The following MYO6 variants were observed in gnomAD, a reference collection of about 807,000 sequenced individuals.
MYO6 encodes myosin VI, also known as unconventional myosin-VI.
Under a neutral mutation model 178.7 loss-of-function variants are expected in MYO6, and 74 were observed. The observed-to-expected ratio is 0.41, with a 90% CI of 0.34 to 0.50. The LOEUF is 0.50. Ranked by LOEUF, MYO6 falls within the 20% of genes least tolerant of loss-of-function variation. The pLI, the probability that MYO6 is intolerant of heterozygous loss-of-function variation, is 0.09. For synonymous variants in MYO6, 477 were observed against 504.6 expected (o/e 0.95, Z 0.73); for missense variants, 1,330 against 1,547.4 (o/e 0.86, Z 2.36).
intron 18 of MYO6, among the ~76,000 whole-genome samples, chr6:75,869,066 C>T (rs1036540186): frequency 7.8e-4 from 93 of 118,542 alleles, no homozygotes; most frequent in African/African-American, 2.7e-3. Context: ...TTGACTTTAT[C>T]TCCATTTTTT....
rs185204042 is a variant in MYO6, at chr6:75,838,108, A to T, written c.553+2152A>T. On this transcript the variant is annotated intron_variant, in intron 7 of 34. Coordinates refer to ENST00000369977, the MANE Select transcript of MYO6 (RefSeq NM_004999.4). ...CACTCTGTCGCCGAGTCTGGAGTGC[A>T]GTGGTGTGATCTTGGCTCACTGTAA... Among the ~76,000 whole-genome samples the T allele has an allele frequency of 8.7e-5, 13 of 148,920 alleles. 1 individual carries two copies. Among genetic ancestry groups the T allele is most frequent in the African/African-American group, 3.2e-4 (13 of 40,184 alleles).
rs148701053 is a variant in MYO6 at position 75,839,596 on chromosome 6, A to T, written c.554-989A>T. 5.4e-3 allele frequency among the ~76,000 whole-genome samples: 821 copies of T among 152,302 alleles called. 7 individuals carry two copies. Among genetic ancestry groups the T allele is most frequent in the African/African-American group, 0.016 (658 of 41,574 alleles). The stretch of plus-strand genomic sequence containing the variant: ...TGGAGAATATGTGTGTAAGATTAAC[A>T]CTAATTTGGTATGTTTGTAATTGAG... On this transcript the variant is annotated intron_variant, in intron 7 of 34. Coordinates refer to ENST00000369977, the MANE Select transcript of MYO6 (RefSeq NM_004999.4).
chr6:75,879,926 A>T lies in MYO6; in HGVS notation c.2184A>T (p.Arg728Ser). ...AGTATATGCCAGATAAACTTGCAAG[A>T]TTGGATCCAAGACTATTTTGTAAGG... ...YKKYMPDKLA[R>S]LDPRLFCKAL... The change falls in exon 21 of 35, where the codon AGA (arginine) becomes AGT (serine). Residue 728 changes from arginine (R) to serine (S), a missense_variant. By Grantham distance (110) the Arg-to-Ser change is moderately radical. Transcript: ENST00000369977. The T allele has an allele frequency of 6.2e-7, 1 of 1,614,132 alleles. No individual in the cohort carries two copies. The highest frequency in any genetic ancestry group is 8.5e-7 in the Non-Finnish European group (1 of 1,180,010).
intron 20 of MYO6, among the ~76,000 whole-genome samples, chr6:75,877,426 C>A (rs1362779236): frequency 6.6e-6 from 1 of 151,934 alleles, no homozygotes; most frequent in Non-Finnish European, 1.5e-5. Context: ...ACCACCACAC[C>A]CGGCTAATTC....
intron 1 of MYO6, among the ~76,000 whole-genome samples, chr6:75,796,039 T>G (rs556468666): frequency 6.6e-6 from 1 of 152,370 alleles, no homozygotes; most frequent in South Asian, 2.1e-4. Context: ...CTTTTAATTT[T>G]ATTTGAAATA....
intron 1 of MYO6, among the ~76,000 whole-genome samples, chr6:75,758,335 A>G (rs527794882): frequency 6.6e-6 from 1 of 152,230 alleles, no homozygotes; most frequent in South Asian, 2.1e-4. Flanking sequence ...GAAGTGAAAT[A>G]TGTTACCAGA....
At chr6:75,834,065 T>G (rs890446261) in intron 6 of MYO6, among the ~76,000 whole-genome samples, 1 of 152,202 alleles carries the variant, frequency 6.6e-6, no homozygotes, top group African/African-American at 2.4e-5. Context: ...CTGTCTATAT[T>G]TCTGTTGTTA....
At chr6:75,797,994 C>G (rs1362340905) in intron 1 of MYO6, among the ~76,000 whole-genome samples, 2 of 152,164 alleles carry the variant, frequency 1.3e-5, no homozygotes, top group South Asian at 4.1e-4. Flanking sequence ...AATTAGGTCC[C>G]ACTTGTCAGT....
At chr6:75,908,960 C>T (rs990751213) in intron 32 of MYO6, among the ~76,000 whole-genome samples, 1 of 152,166 alleles carries the variant, frequency 6.6e-6, no homozygotes, top group African/African-American at 2.4e-5. Context: ...GATTGCCATG[C>T]ATCTTTTACC....
At chr6:75,859,066 A>C (rs530807583) in intron 14 of MYO6, 73 bp downstream of exon 14, 1 of 1,011,132 alleles carries the variant, frequency 9.9e-7, no homozygotes, top group African/African-American at 1.6e-5. Flanking sequence ...GATATGCTGC[A>C]GTTACCCTGA....
chr6:75,851,787 G>A (rs1220725175), intron 11 of MYO6, among the ~76,000 whole-genome samples: 1 of 152,176 alleles, frequency 6.6e-6, no homozygotes, highest in East Asian at 1.9e-4. Flanking sequence ...GCTGCAGTGA[G>A]CCATGATCGC....
Position 75,890,169 on chromosome 6 carries a change from A to G in MYO6, c.2771A>G (p.Glu924Gly), listed in dbSNP as rs1343479335. 3.1e-6 allele frequency: 5 copies of G among 1,613,518 alleles called. No homozygotes were observed. In the South Asian group the frequency reaches 5.5e-5, roughly 18 times the overall value. Residue 924 changes from glutamate (E) to glycine (G), a missense_variant, in exon 26 of 35, where the codon GAA becomes GGA. Physicochemically the swap from Glu to Gly is moderately conservative, Grantham distance 98. Coordinates refer to ENST00000369977, the MANE Select transcript of MYO6 (RefSeq NM_004999.4). ...QKKKQQEEEA[E>G]RLRRIQEEME... is the part of the protein sequence containing the mutation. Reference sequence around the variant, plus strand: ...AAAAAACAGCAGGAAGAGGAAGCAGAAAGGCTGAGGCGTATTCAAGAAGAA... The same window carrying G: ...AAAAAACAGCAGGAAGAGGAAGCAGGAAGGCTGAGGCGTATTCAAGAAGAA...
chr6:75,827,794 A>G (rs1772633325), intron 3 of MYO6, among the ~76,000 whole-genome samples: 1 of 151,908 alleles, frequency 6.6e-6, no homozygotes, highest in Non-Finnish European at 1.5e-5. Flanking sequence ...GAGAGAGAAG[A>G]TGATTTTAGT....
chr6:75,905,439 C>T lies in MYO6; in HGVS notation c.3177-2166C>T, dbSNP rs144794497. Among the ~76,000 whole-genome samples the T allele has an allele frequency of 4.8e-3, 726 of 152,322 alleles. 8 individuals carry two copies. Among genetic ancestry groups the T allele is most frequent in the African/African-American group, 0.017 (691 of 41,566 alleles). ...TCCTGGTGCGCCATTTTTTTAAGCC[C>T]GTCGGAAAAGCGCAGTATTCGGGTG... On this transcript the variant is annotated intron_variant, in intron 30 of 34. Coordinates refer to ENST00000369977, the MANE Select transcript of MYO6 (RefSeq NM_004999.4).
chr6:75,817,329 A>G (rs1179883870), intron 1 of MYO6, among the ~76,000 whole-genome samples, 172 bp from the exon 2 acceptor site: 2 of 151,498 alleles, frequency 1.3e-5, no homozygotes, highest in African/African-American at 4.9e-5. Flanking sequence ...AAAAGTAGAT[A>G]AAGGGGGCAG....
At position 75,915,866 on chromosome 6, in the gene MYO6, A is replaced by T. The variant is rs1228548442; in HGVS notation, c.*854A>T. 6.6e-6 allele frequency: 1 copy of T among 152,608 alleles called. No individual in the cohort carries two copies. The highest frequency in any genetic ancestry group is 2.4e-5 in the African/African-American group (1 of 41,452). 9.5% of individuals were successfully genotyped at this position (152,608 alleles called of 1,614,324 possible). A position where few individuals can be genotyped will look rare whatever the true frequency, so the allele number is the denominator to read the frequency against. ...TTCTTTCAACTTCATCTCAATAGTG[A>T]TTTTTGTATCAGAATCTTGTCCAAG... is the stretch of plus-strand genomic sequence containing the variant. On this transcript the variant is annotated 3_prime_UTR_variant, in exon 35 of 35. Transcript: ENST00000369977.
chr6:75,750,328 C>T (rs1776758591), intron 1 of MYO6, among the ~76,000 whole-genome samples: 1 of 152,046 alleles, frequency 6.6e-6, no homozygotes, highest in African/African-American at 2.4e-5. Context: ...AAATCCTGAC[C>T]TCTTGATCCA....
intron 1 of MYO6, among the ~76,000 whole-genome samples, chr6:75,759,245 T>G (rs1304984509): frequency 6.6e-6 from 1 of 152,176 alleles, no homozygotes; most frequent in Non-Finnish European, 1.5e-5. Context: ...AATGTGCTGT[T>G]GAATAATCAG....
At chr6:75,762,559 C>T (rs867387290) in intron 1 of MYO6, among the ~76,000 whole-genome samples, 1 of 152,194 alleles carries the variant, frequency 6.6e-6, no homozygotes, top group African/African-American at 2.4e-5. Context: ...TCTCCCTACA[C>T]AAACAGTAGT....
Sources: gnomAD v4.1 joint callset for allele counts (sites outside exome capture counted in the v4.1 genomes callset) on GRCh38, gnomAD v4.1.1 for gene constraint, MANE v1.5 for transcripts, NCBI Gene and HGNC (gene_info 2026-07-23, HGNC 2026-07-21) for gene names.